TAS2R1: variants seen among roughly 807,000 people sequenced by gnomAD.
The protein encoded by TAS2R1 is taste 2 receptor member 1.
For synonymous variants in TAS2R1, 141 were observed against 134.2 expected, an observed-to-expected ratio of 1.05 and a Z score of -0.35; for missense variants, 370 against 353.4, an observed-to-expected ratio of 1.05 and a Z score of -0.38.
chr5:9,795,067 G>A, the TAS2R1 span, among the ~76,000 whole-genome samples: 24 of 152,166 alleles, frequency 1.6e-4, no homozygotes, highest in African/African-American at 5.3e-4. Flanking sequence ...TTCTTTTTGT[G>A]GGGGGACAGA....
the TAS2R1 span, among the ~76,000 whole-genome samples, chr5:9,738,327 G>A: frequency 1.9e-4 from 29 of 152,236 alleles, no homozygotes; most frequent in African/African-American, 6.7e-4. Flanking sequence ...GTGTGCTCCT[G>A]GACTGTGAGA....
At chr5:9,682,362 G>T (rs1440703401) in intron 1 of TAS2R1, among the ~76,000 whole-genome samples, 1 of 152,154 alleles carries the variant, frequency 6.6e-6, no homozygotes, top group Non-Finnish European at 1.5e-5. Flanking sequence ...TTTCCCTTTG[G>T]GGGTGGGGAT....
the TAS2R1 span, among the ~76,000 whole-genome samples, chr5:9,775,694 G>C: frequency 3.9e-5 from 6 of 152,064 alleles, no homozygotes; most frequent in African/African-American, 1.4e-4. Flanking sequence ...TCAAGGCAGT[G>C]GGTTCCCTTC....
chr5:9,673,339 T>G (rs1380905760), intron 1 of TAS2R1, among the ~76,000 whole-genome samples: 2 of 152,192 alleles, frequency 1.3e-5, no homozygotes, highest in Admixed American at 6.5e-5. Flanking sequence ...AAGGGTACAT[T>G]AATATGATCA....
the TAS2R1 span, among the ~76,000 whole-genome samples, chr5:9,778,670 G>GTGTTAT: frequency 6.6e-6 from 1 of 152,182 alleles, no homozygotes. Flanking sequence ...TATGGAGATG[G>GTGTTAT]CTTACTTCCT....
At chr5:9,718,870 T>C in the TAS2R1 span, among the ~76,000 whole-genome samples, 1 of 151,576 alleles carries the variant, frequency 6.6e-6, no homozygotes, top group South Asian at 2.1e-4. Context: ...AAGGGGCTAC[T>C]GTATTAAAAA....
chr5:9,827,335 T>G, the TAS2R1 span, among the ~76,000 whole-genome samples: 1 of 152,146 alleles, frequency 6.6e-6, no homozygotes, highest in African/African-American at 2.4e-5. Flanking sequence ...GTCCAGTCCA[T>G]CTCCTGGATT....
chr5:9,688,971 C>T (rs1386611495), intron 1 of TAS2R1, among the ~76,000 whole-genome samples: 1 of 152,120 alleles, frequency 6.6e-6, no homozygotes, highest in Non-Finnish European at 1.5e-5. Context: ...GGAAGAAGTG[C>T]TAGGCAGAGA....
the TAS2R1 span, among the ~76,000 whole-genome samples, chr5:9,777,931 A>G: frequency 1.4e-5 from 2 of 143,102 alleles, no homozygotes; most frequent in Admixed American, 1.5e-4. Context: ...CGGACTGCGG[A>G]CTGCAGTGGC....
chr5:9,828,697 T>C, the TAS2R1 span, among the ~76,000 whole-genome samples: 9 of 152,356 alleles, frequency 5.9e-5, no homozygotes, highest in South Asian at 1.9e-3. Flanking sequence ...ATTTGCAATG[T>C]CATGTAGAGA....
the TAS2R1 span, among the ~76,000 whole-genome samples, chr5:9,843,936 C>T: frequency 6.6e-6 from 1 of 152,204 alleles, no homozygotes; most frequent in Non-Finnish European, 1.5e-5. Context: ...CTAGAAGCTG[C>T]CCTCATATTC....
At chr5:9,790,647 T>C in the TAS2R1 span, among the ~76,000 whole-genome samples, 2 of 152,214 alleles carry the variant, frequency 1.3e-5, no homozygotes, top group Non-Finnish European at 2.9e-5. Context: ...TTTTTCTTTT[T>C]TGAGACAGTC....
intron 2 of TAS2R1, among the ~76,000 whole-genome samples, chr5:9,654,042 G>T (rs866907554): frequency 1.2e-4 from 19 of 152,254 alleles, no homozygotes; most frequent in South Asian, 6.2e-4. Flanking sequence ...CTGGTGGCGT[G>T]CCATGAGAGT....
At chr5:9,898,081 C>T in the TAS2R1 span, among the ~76,000 whole-genome samples, 1 of 152,164 alleles carries the variant, frequency 6.6e-6, no homozygotes, top group Non-Finnish European at 1.5e-5. Context: ...AATGACTAAG[C>T]TTTAAACTAT....
At chr5:9,716,240 G>A (rs1410465565), upstream of TAS2R1, among the ~76,000 whole-genome samples, 4 of 152,152 alleles carry the variant, frequency 2.6e-5, no homozygotes, top group Non-Finnish European at 5.9e-5. Flanking sequence ...GCAGGGAGGA[G>A]CCTGGCCTCT....
chr5:9,736,189 CCT>C, the TAS2R1 span, among the ~76,000 whole-genome samples: 5 of 152,202 alleles, frequency 3.3e-5, no homozygotes, highest in African/African-American at 1.2e-4. Flanking sequence ...GCCTAGCATC[CCT>C]CTTTTTCTTC....
chr5:9,740,168 T>C, the TAS2R1 span, among the ~76,000 whole-genome samples: 2 of 152,224 alleles, frequency 1.3e-5, no homozygotes, highest in Non-Finnish European at 2.9e-5. Flanking sequence ...TCAGAGCCTT[T>C]TATATGCTAA....
At chr5:9,739,463 G>T in the TAS2R1 span, among the ~76,000 whole-genome samples, 1 of 152,148 alleles carries the variant, frequency 6.6e-6, no homozygotes, top group African/African-American at 2.4e-5. Flanking sequence ...TAATAAAACT[G>T]GGAATTAATG....
the TAS2R1 span, among the ~76,000 whole-genome samples, chr5:9,728,932 T>C: frequency 6.6e-6 from 1 of 152,212 alleles, no homozygotes; most frequent in African/African-American, 2.4e-5. Context: ...GAGGCTTCCC[T>C]GATGCAGGCA....
Sources: allele counts gnomAD v4.1 joint callset (sites outside exome capture counted in the v4.1 genomes callset), GRCh38; gene constraint gnomAD v4.1.1; transcripts MANE v1.5; gene names NCBI Gene and HGNC (gene_info 2026-07-23, HGNC 2026-07-21).